The following DHRS2 variants were observed in gnomAD, a reference collection of about 807,000 sequenced individuals.
DHRS2 encodes dehydrogenase/reductase 2, also known as dehydrogenase/reductase SDR family member 2, mitochondrial.
Under a neutral mutation model 26.3 loss-of-function variants are expected in DHRS2, and 29 were observed. The ratio of observed to expected loss-of-function variants is 1.10; its 90% CI spans 0.82 to 1.50. The LOEUF is 1.50. Ranked by LOEUF, DHRS2 falls within the 40% of genes most tolerant of loss-of-function variation. The probability of loss-of-function intolerance (pLI) is 0.00; values close to 1 mark genes in which losing one functional copy is unlikely to be tolerated. For synonymous variants in DHRS2, 164 were observed against 151.3 expected (o/e 1.08, Z -0.62); for missense variants, 439 against 367.1 (o/e 1.20, Z -1.60).
chr14:23,637,325 C>A (rs1890364445), intron 1 of DHRS2, among the ~76,000 whole-genome samples: 1 of 152,140 alleles, frequency 6.6e-6, no homozygotes, highest in Admixed American at 6.5e-5. Flanking sequence ...CTGGGCTCAC[C>A]AATCAGAAAG....
chr14:23,643,082 T>C, intron 4 of DHRS2, 70 bp from the exon 5 acceptor site: 1 of 1,500,930 alleles, frequency 6.7e-7, no homozygotes, highest in Non-Finnish European at 9.3e-7. Context: ...GGGCTCCAAG[T>C]GTCTTATGAG....
intron 3 of DHRS2, among the ~76,000 whole-genome samples, 155 bp downstream of exon 3, chr14:23,639,511 G>A (rs889978771): frequency 6.6e-6 from 1 of 152,144 alleles, no homozygotes; most frequent in Non-Finnish European, 1.5e-5. Flanking sequence ...AGGTCCCTCA[G>A]GAAAGTGACC....
At chr14:23,635,253 C>T (rs937906459), upstream of DHRS2, among the ~76,000 whole-genome samples, 4 of 152,154 alleles carry the variant, frequency 2.6e-5, no homozygotes, top group South Asian at 2.1e-4. Context: ...ATGGTTTCAC[C>T]TTGTTGCCCA....
intron 1 of DHRS2, 106 bp from the exon 2 acceptor site, chr14:23,638,721 G>A (rs962115463): frequency 1.5e-5 from 19 of 1,227,572 alleles, no homozygotes; most frequent in Non-Finnish European, 2.0e-5. Context: ...CTGACTCTCT[G>A]CCACTTTCTG....
chr14:23,639,134 G>A, intron 2 of DHRS2, 45 bp from the exon 3 acceptor site: 1 of 1,605,030 alleles, frequency 6.2e-7, no homozygotes, highest in East Asian at 2.2e-5. Context: ...GAAGGACAGT[G>A]GAGAGAGGCT....
upstream of DHRS2, among the ~76,000 whole-genome samples, chr14:23,633,178 C>T (rs1321483918): frequency 1.3e-5 from 2 of 152,210 alleles, no homozygotes; most frequent in African/African-American, 4.8e-5. Flanking sequence ...ATGCCAGATC[C>T]TCTCCCTGCC....
intron 1 of DHRS2, 36 bp from the exon 2 acceptor site, chr14:23,638,791 G>A (rs1479910956): frequency 7.7e-6 from 12 of 1,559,562 alleles, no homozygotes; most frequent in African/African-American, 1.4e-5. Flanking sequence ...GCTCACTGAG[G>A]CATCAGTGAT....
chr14:23,634,070 T>A (rs995234323), upstream of DHRS2, among the ~76,000 whole-genome samples: 3 of 133,928 alleles, frequency 2.2e-5, no homozygotes, highest in African/African-American at 8.6e-5. Flanking sequence ...TTTTTTTTTT[T>A]TTTTTTTTTT....
At chr14:23,639,091 G>T in intron 2 of DHRS2, 87 bp downstream of exon 2, 2 of 1,593,050 alleles carry the variant, frequency 1.3e-6, no homozygotes, top group Non-Finnish European at 1.7e-6. Context: ...GCAAGACCCA[G>T]CCTTATTTGC....
rs377369312 is a variant in DHRS2 at position 23,644,122 on chromosome 14, T to C, written c.500T>C (p.Val167Ala). Residue 167 changes from valine (V) to alanine (A), a missense_variant, in exon 6 of 9, where the codon GTC becomes GCC. Coordinates refer to ENST00000250383, the MANE Select transcript of DHRS2 (RefSeq NM_005794.4). ...LPYMENRRGA[V>A]ILVSSIAAYN... is the part of the protein sequence containing the mutation. ...TTGTCTTGTCTCAGGAGGGGTGCTGTCATCCTGGTCTCTTCCATTGCAGCT... is the reference window on the plus strand; with the variant it reads ...TTGTCTTGTCTCAGGAGGGGTGCTGCCATCCTGGTCTCTTCCATTGCAGCT... The C allele has an allele frequency of 1.2e-5, 19 of 1,614,060 alleles. No individual in the cohort carries two copies. Among genetic ancestry groups the C allele is most frequent in the East Asian group, 1.1e-4 (5 of 44,890 alleles).
At chr14:23,633,032 A>T (rs193291719), upstream of DHRS2, among the ~76,000 whole-genome samples, 580 of 152,342 alleles carry the variant, frequency 3.8e-3, no homozygotes, top group Non-Finnish European at 7.3e-3. Context: ...AATCCCACAT[A>T]GGGGAAGGCA....
chr14:23,641,607 G>A, intron 4 of DHRS2: 1 of 1,289,158 alleles, frequency 7.8e-7, no homozygotes, highest in Non-Finnish European at 1.0e-6. Flanking sequence ...GGCTGGTTGG[G>A]GTCTGTTTTG....
At chr14:23,635,483 G>A (rs1233720294), upstream of DHRS2, among the ~76,000 whole-genome samples, 1 of 152,130 alleles carries the variant, frequency 6.6e-6, no homozygotes, top group Non-Finnish European at 1.5e-5. Flanking sequence ...CCTGTCTGCA[G>A]GATGCAAGTT....
At chr14:23,632,047 A>G (rs1191482343), upstream of DHRS2, among the ~76,000 whole-genome samples, 2 of 152,194 alleles carry the variant, frequency 1.3e-5, no homozygotes, top group African/African-American at 4.8e-5. Context: ...GAACTGTTAG[A>G]GGCCAGAAAG....
chr14:23,632,772 G>T (rs139980664), upstream of DHRS2, among the ~76,000 whole-genome samples: 4 of 152,262 alleles, frequency 2.6e-5, no homozygotes, highest in Middle Eastern at 3.4e-3. Context: ...ACTGATGAGG[G>T]TCTGTAGACA....
At chr14:23,644,030 A>T (rs1324565713) in intron 5 of DHRS2, 81 bp from the exon 6 acceptor site, 1 of 1,400,068 alleles carries the variant, frequency 7.1e-7, no homozygotes, top group African/African-American at 1.4e-5. Context: ...TGAGGGTTGC[A>T]TCATTTAATG....
chr14:23,644,196 T>G (rs1890779931), intron 6 of DHRS2, 34 bp downstream of exon 6: 1 of 1,611,652 alleles, frequency 6.2e-7, no homozygotes, highest in East Asian at 2.2e-5. Context: ...CTGAGTGGTA[T>G]AGGGTGAGGG....
At chr14:23,643,763 G>C in intron 5 of DHRS2, 1 of 365,380 alleles carries the variant, frequency 2.7e-6, no homozygotes, top group Non-Finnish European at 5.2e-6. Context: ...TACCCCATCT[G>C]CTCCTTAGAG....
chr14:23,641,819 G>T, intron 4 of DHRS2: 1 of 1,268,896 alleles, frequency 7.9e-7, no homozygotes, highest in Non-Finnish European at 1.0e-6. Context: ...GAGTGGGAGT[G>T]AGATTGGGGG....
Sources: gnomAD v4.1 joint callset for allele counts (sites outside exome capture counted in the v4.1 genomes callset) on GRCh38, gnomAD v4.1.1 for gene constraint, MANE v1.5 for transcripts, NCBI Gene and HGNC (gene_info 2026-07-23, HGNC 2026-07-21) for gene names.